PDE3A: variants seen among roughly 807,000 people sequenced by gnomAD.
PDE3A encodes the protein cGMP-inhibited 3',5'-cyclic phosphodiesterase 3A.
A neutral mutation model predicts 98.3 loss-of-function variants in PDE3A; 43 were observed. That is an observed-to-expected ratio of 0.44 (90% CI 0.34 to 0.56). The LOEUF is 0.56. Ranked by LOEUF, PDE3A falls within the 20% of genes least tolerant of loss-of-function variation. The pLI is 0.01. For missense variants in PDE3A, 1,427 were observed against 1,440.7 expected (o/e 0.99, Z 0.15); for synonymous variants, 663 against 567.9 (o/e 1.17, Z -2.38).
At chr12:20,491,883 A>T (rs1945831671) in intron 1 of PDE3A, among the ~76,000 whole-genome samples, 1 of 152,194 alleles carries the variant, frequency 6.6e-6, no homozygotes, top group Non-Finnish European at 1.5e-5. Flanking sequence ...TTGTTTGAGA[A>T]ATAATAAAAT....
chr12:20,465,205 T>C (rs1945320267), intron 1 of PDE3A, among the ~76,000 whole-genome samples: 1 of 152,128 alleles, frequency 6.6e-6, no homozygotes, highest in Non-Finnish European at 1.5e-5. Flanking sequence ...TTCTCTTTAA[T>C]AGCATGTCAT....
intron 2 of PDE3A, among the ~76,000 whole-genome samples, chr12:20,593,756 T>A (rs1457936014): frequency 6.6e-6 from 1 of 152,152 alleles, no homozygotes; most frequent in Non-Finnish European, 1.5e-5. Flanking sequence ...AAGTTGAGTG[T>A]GAAATTGCTT....
intron 1 of PDE3A, among the ~76,000 whole-genome samples, chr12:20,479,580 C>T (rs1278454748): frequency 1.3e-5 from 2 of 152,178 alleles, no homozygotes; most frequent in African/African-American, 4.8e-5. Flanking sequence ...AATCTCACTG[C>T]AGAAGAATGT....
At chr12:20,537,442 A>G (rs1478780886) in intron 1 of PDE3A, among the ~76,000 whole-genome samples, 2 of 152,056 alleles carry the variant, frequency 1.3e-5, no homozygotes, top group African/African-American at 4.8e-5. Flanking sequence ...TAAAGGCTAG[A>G]TTTTAAGGTT....
At chr12:20,429,404 A>C (rs1313309172) in intron 1 of PDE3A, among the ~76,000 whole-genome samples, 3 of 152,204 alleles carry the variant, frequency 2.0e-5, no homozygotes, top group African/African-American at 7.2e-5. Context: ...AGAGTGCTGC[A>C]GGCTACAGCC....
chr12:20,589,883 A>C (rs912276932), intron 2 of PDE3A, among the ~76,000 whole-genome samples: 1 of 151,878 alleles, frequency 6.6e-6, no homozygotes, highest in East Asian at 1.9e-4. Context: ...AAAAAAAAAA[A>C]AAAAAAGAAA....
Position 20,559,494 on chromosome 12 carries a change from A to G in PDE3A, c.1011+2784A>G, listed in dbSNP as rs886373928. On this transcript the variant is annotated intron_variant, in intron 2 of 15. Coordinates refer to ENST00000359062, the MANE Select transcript of PDE3A (RefSeq NM_000921.5). ...CTCCACTAAAAATACAAATAATGAT[A>G]ATAATAATAATAATAATAGTAATAA... is the stretch of plus-strand genomic sequence containing the variant. 8.0e-5 allele frequency among the ~76,000 whole-genome samples: 12 copies of G among 149,738 alleles called. No homozygotes were observed. In the South Asian group the frequency reaches 2.1e-3, roughly 26 times the overall value.
chr12:20,390,239 A>C (rs992783614), intron 1 of PDE3A, among the ~76,000 whole-genome samples: 9 of 151,870 alleles, frequency 5.9e-5, no homozygotes, highest in African/African-American at 2.2e-4. Flanking sequence ...TGAGTGTTTT[A>C]AGATTAGGTT....
At chr12:20,405,700 C>T (rs576342505) in intron 1 of PDE3A, among the ~76,000 whole-genome samples, 1 of 152,232 alleles carries the variant, frequency 6.6e-6, no homozygotes, top group Non-Finnish European at 1.5e-5. Flanking sequence ...ACTAACACAT[C>T]GATCATAGTT....
In PDE3A at chr12:20,369,654, G is replaced by A. The variant is rs1440128916; in HGVS notation, c.370G>A (p.Ala124Thr). 6.2e-7 allele frequency: 1 copy of A among 1,601,798 alleles called. No individual in the cohort carries two copies. The highest frequency in any genetic ancestry group is 8.5e-7 in the Non-Finnish European group (1 of 1,175,026). ...TCGGGGAGGTGCTCCCGGGGGCGGT[G>A]CGCGGCTCAGCCCCTGGCTGCAGCC... ...GPRGGAPGGG[A>T]RLSPWLQPSA... The change falls in exon 1 of 16, where the codon GCG (alanine) becomes ACG (threonine). Residue 124 changes from alanine (A) to threonine (T), a missense_variant. Transcript: ENST00000359062.
At chr12:20,518,821 G>A (rs4762967) in intron 1 of PDE3A, among the ~76,000 whole-genome samples, 147,174 of 152,298 alleles carry the variant, frequency 0.97, 71,133 homozygotes, top group East Asian at 1. Flanking sequence ...ACTTAGATAG[G>A]ACTTTCTGTA....
chr12:20,671,518 A>G (rs1461522504), intron 15 of PDE3A, among the ~76,000 whole-genome samples: 1 of 151,714 alleles, frequency 6.6e-6, no homozygotes, highest in Non-Finnish European at 1.5e-5. Context: ...AGTGGGCTTC[A>G]TCCCTGGGAT....
chr12:20,369,202 T>TGG lies in PDE3A; in HGVS notation c.-82_-81insGG. 8.2e-6 allele frequency: 7 copies of TGG among 852,684 alleles called. No individual in the cohort carries two copies. Among genetic ancestry groups the TGG allele is most frequent in the Non-Finnish European group, 1.2e-5 (7 of 561,106 alleles). 52.8% of individuals were successfully genotyped at this position (852,684 alleles called of 1,614,324 possible). On this transcript the variant is annotated 5_prime_UTR_variant, in exon 1 of 16. Transcript: ENST00000359062. ...AAGAGCGTGCGTGCGTGTGTGTGTG[T>TGG]GTGTGTGTGCGCGCGCGCGCGTGGG...
At chr12:20,506,159 T>G (rs1478496118) in intron 1 of PDE3A, among the ~76,000 whole-genome samples, 1 of 151,338 alleles carries the variant, frequency 6.6e-6, no homozygotes, top group Non-Finnish European at 1.5e-5. Flanking sequence ...AACAAATGAG[T>G]TCTCCAAAAA....
Position 20,552,745 on chromosome 12 carries a change from G to T in PDE3A, c.961-3915G>T. 1 of 1,614,066 alleles carries T rather than the reference G, an allele frequency of 6.2e-7. No individual in the cohort carries two copies. Among genetic ancestry groups the T allele is most frequent in the South Asian group, 1.1e-5 (1 of 91,082 alleles). ...CCTGGCGTCACTCAAGGACCGGCCG[G>T]CGAGCGGCAGCCCGTTCCAGTTGTT... On this transcript the variant is annotated intron_variant, in intron 1 of 15. Coordinates refer to ENST00000359062, the MANE Select transcript of PDE3A (RefSeq NM_000921.5). This position sits in a 1 kb window ranked among gnomAD's most constrained non-coding sequence, Gnocchi z 5.1.
intron 10 of PDE3A, among the ~76,000 whole-genome samples, chr12:20,640,464 G>A (rs533419138): frequency 4.6e-5 from 7 of 152,150 alleles, no homozygotes; most frequent in East Asian, 1.9e-4. Context: ...GTTGGCTGGC[G>A]TTTAGAGGGA....
chr12:20,528,353 A>T (rs1946564886), intron 1 of PDE3A, among the ~76,000 whole-genome samples: 1 of 152,328 alleles, frequency 6.6e-6, no homozygotes, highest in African/African-American at 2.4e-5. Flanking sequence ...GTGTTGAATA[A>T]TATATTGTGA....
chr12:20,674,477 T>G (rs1383518739), intron 15 of PDE3A, among the ~76,000 whole-genome samples: 1 of 152,162 alleles, frequency 6.6e-6, no homozygotes, highest in Non-Finnish European at 1.5e-5. Context: ...CTTCCTAGTA[T>G]TTTTAGTTTT....
rs1945850913 is a variant in PDE3A at position 20,683,405 on chromosome 12, A to G, written c.*3134A>G. On this transcript the variant is annotated 3_prime_UTR_variant, in exon 16 of 16. Transcript: ENST00000359062. ...GAAAGAGTTTCTAGCCCACTTAGGGAAAAAGATAATTGTTTAGAAAACCAT... is the reference window on the plus strand; with the variant it reads ...GAAAGAGTTTCTAGCCCACTTAGGGGAAAAGATAATTGTTTAGAAAACCAT... 6.6e-6 allele frequency: 1 copy of G among 152,288 alleles called. No individual in the cohort carries two copies. The highest frequency in any genetic ancestry group is 2.1e-4 in the South Asian group (1 of 4,822). 9.4% of individuals were successfully genotyped at this position (152,288 alleles called of 1,614,324 possible). A position where few individuals can be genotyped will look rare whatever the true frequency, so the allele number is the denominator to read the frequency against.
Sources: allele counts gnomAD v4.1 joint callset (sites outside exome capture counted in the v4.1 genomes callset), GRCh38; gene constraint gnomAD v4.1.1; non-coding constraint Gnocchi (gnomAD v3.1); transcripts MANE v1.5; gene names NCBI Gene and HGNC (gene_info 2026-07-23, HGNC 2026-07-21).